The following ECE2 variants were observed in gnomAD, a reference collection of about 807,000 sequenced individuals.
ECE2 encodes endothelin-converting enzyme 2.
In ECE2, 81 loss-of-function variants were observed where a neutral mutation model predicts 100.6. The ratio of observed to expected loss-of-function variants is 0.81; its 90% confidence interval spans 0.67 to 0.97. ECE2 has a LOEUF of 0.97. Among genes scored for constraint, ECE2 ranks in the 50% least tolerant of loss-of-function variants. The probability of loss-of-function intolerance (pLI) is 0.00; values close to 1 mark genes in which losing one functional copy is unlikely to be tolerated. For missense variants in ECE2, 911 were observed against 988.1 expected, an observed-to-expected ratio of 0.92 and a Z score of 1.05; for synonymous variants, 391 against 391.5, an observed-to-expected ratio of 1.00 and a Z score of 0.02.
intron 7 of ECE2, among the ~76,000 whole-genome samples, chr3:184,279,684 G>C (rs1398430781): frequency 3.3e-5 from 5 of 151,064 alleles, no homozygotes; most frequent in South Asian, 2.1e-4. Flanking sequence ...TGTTGACGAG[G>C]GAAAGGCTAG....
In ECE2 at chr3:184,278,238, G is replaced by C. The variant is rs1720655651; in HGVS notation, c.675G>C (p.Gly225=). The change falls in exon 6 of 19, where the codon GGG becomes GGC. Residue 225 remains glycine (G), a synonymous_variant. Transcript: ENST00000404464. The part of the protein sequence containing the change: ...NFMEVLKAVA[G]TYRATPFFTV... ...TGGAGGTGTTGAAGGCAGTAGCAGG[G>C]ACCTACAGGGCCACCCCATTCTTCA... 6.2e-7 allele frequency: 1 copy of C among 1,614,162 alleles called. No individual in the cohort carries two copies. Among genetic ancestry groups the C allele is most frequent in the Non-Finnish European group, 8.5e-7 (1 of 1,180,032 alleles).
intron 10 of ECE2, among the ~76,000 whole-genome samples, 166 bp from the exon 11 acceptor site, chr3:184,287,671 G>A (rs1465981748): frequency 1.3e-5 from 2 of 152,152 alleles, no homozygotes; most frequent in African/African-American, 4.8e-5. Context: ...CTCCAGCCTG[G>A]GTGACAGAGC....
intron 10 of ECE2, among the ~76,000 whole-genome samples, chr3:184,286,467 C>T (rs376298008): frequency 6.6e-6 from 1 of 152,128 alleles, no homozygotes. Flanking sequence ...AGGGGAGCAG[C>T]AGGGAAGCGG....
At chr3:184,280,181 T>C (rs138546667) in intron 7 of ECE2, among the ~76,000 whole-genome samples, 8 of 152,046 alleles carry the variant, frequency 5.3e-5, no homozygotes, top group African/African-American at 1.9e-4. Context: ...CAGCTTAGGG[T>C]ACATTGAGAA....
Position 184,277,247 on chromosome 3 carries a change from A to G in ECE2, c.263-4A>G, listed in dbSNP as rs1331984447. On this transcript the variant is annotated splice_polypyrimidine_tract_variant and splice_region_variant and intron_variant, in intron 3 of 18. Transcript: ENST00000404464. ...CTACCCTCCGGCCATGTTCCCTACC[A>G]CAGACCCATCCCACAGCACCTGCCT... 1.9e-6 allele frequency: 3 copies of G among 1,614,058 alleles called. No homozygotes were observed. The highest frequency in any genetic ancestry group is 2.2e-5 in the East Asian group (1 of 44,872).
intron 11 of ECE2, among the ~76,000 whole-genome samples, chr3:184,288,319 AAAAAAAAAAAAAG>A (rs1560187082): frequency 8.0e-6 from 1 of 124,740 alleles, no homozygotes; most frequent in African/African-American, 2.9e-5. Context: ...CAAAAAAAAA[AAAAAAAAAAAAAG>A]AAAAGAAAAG....
rs928391593 is a variant in ECE2 at position 184,283,616 on chromosome 3, T to C, written c.817-169T>C. On this transcript the variant is annotated intron_variant, in intron 7 of 18. Transcript: ENST00000404464. ...AGAAGAAGAAGAAGTAAGTAAACAATACTTAGCCAATGGAGGTAAGCAGTG... is the reference window on the plus strand; with the variant it reads ...AGAAGAAGAAGAAGTAAGTAAACAACACTTAGCCAATGGAGGTAAGCAGTG... 1.9e-4 allele frequency among the ~76,000 whole-genome samples: 23 copies of C among 119,124 alleles called. No homozygotes were observed. The Admixed American group carries it at 1.9e-3, about 10-fold the overall frequency. 78.1% of individuals were successfully genotyped at this position (119,124 alleles called of 152,430 possible).
At position 184,289,463 on chromosome 3, in the gene ECE2, G is replaced by A. The variant is rs747995975; in HGVS notation, c.1401G>A (p.Arg467=). 1.9e-6 allele frequency: 3 copies of A among 1,610,414 alleles called. No individual in the cohort carries two copies. The highest frequency in any genetic ancestry group is 2.5e-6 in the Non-Finnish European group (3 of 1,178,540). The part of the protein sequence containing the change: ...EIAEGMISEI[R]TAFEEALGQL... ...CAGAGGGGATGATCAGCGAAATCCGGACCGCATTTGAGGAGGCCCTGGGAC... is the reference window on the plus strand; with the variant it reads ...CAGAGGGGATGATCAGCGAAATCCGAACCGCATTTGAGGAGGCCCTGGGAC... Residue 467 remains arginine, a synonymous_variant, in exon 12 of 19, where the codon CGG becomes CGA. Transcript: ENST00000404464. The surrounding 1 kb of genome is among the most constrained non-coding windows in gnomAD (Gnocchi z 4.1).
chr3:184,276,871 C>G (rs1169197275), intron 2 of ECE2, 21 bp from the exon 3 acceptor site: 1 of 1,613,094 alleles, frequency 6.2e-7, no homozygotes, highest in Non-Finnish European at 8.5e-7. Flanking sequence ...CAGTCACTCT[C>G]TGTCCCCCTG....
Position 184,276,486 on chromosome 3 carries a change from G to A in ECE2, c.45G>A (p.Val15=). 6.2e-7 allele frequency: 1 copy of A among 1,609,280 alleles called. No individual in the cohort carries two copies. Among genetic ancestry groups the A allele is most frequent in the Non-Finnish European group, 8.5e-7 (1 of 1,179,190 alleles). The part of the protein sequence containing the change: ...LQELGAGSNM[V]EYKRATLRDE... ...CAACCCCGACTGTCTGGCAGATGGT[G>A]GAGTACAAACGGGCCACGCTTCGGG... is the stretch of plus-strand genomic sequence containing the variant. The change falls in exon 2 of 19, where the codon GTG becomes GTA. Residue 15 remains valine (V), a synonymous_variant. Coordinates refer to ENST00000404464, the MANE Select transcript of ECE2 (RefSeq NM_001100121.2).
intron 8 of ECE2, among the ~76,000 whole-genome samples, 161 bp from the exon 9 acceptor site, chr3:184,284,802 T>A (rs1203892259): frequency 6.6e-6 from 1 of 152,042 alleles, no homozygotes; most frequent in African/African-American, 2.4e-5. Flanking sequence ...AGATTGGAGG[T>A]GTCCAGGCCT....
At chr3:184,285,724 G>A (rs767796734) in intron 10 of ECE2, 132 bp downstream of exon 10, 7 of 679,746 alleles carry the variant, frequency 1.0e-5, no homozygotes, top group South Asian at 3.7e-5. Context: ...GAAGCAAGCC[G>A]ACTTGCGTTT....
At chr3:184,290,392 G>C in intron 14 of ECE2, 34 bp downstream of exon 14, 1 of 1,604,738 alleles carries the variant, frequency 6.2e-7, no homozygotes, top group Non-Finnish European at 8.5e-7. Context: ...GACACTAGGG[G>C]TGGCAGGAGA....
rs1478803498 is a variant in ECE2 at position 184,290,799 on chromosome 3, GAA to G, written c.1774_1775del (p.Asn592LeufsTer11). 1 of 1,614,180 alleles carries G rather than the reference GAA, an allele frequency of 6.2e-7. No individual in the cohort carries two copies. Among genetic ancestry groups the G allele is most frequent in the African/African-American group, 1.3e-5 (1 of 75,036 alleles). ...FYARNHPKAL[N>X]FGGIGVVMGH... ...GCTATTCCTCACCCACCAGGGCCCT[GAA>G]CTTCGGTGGCATCGGTGTGGTCATG... is the stretch of plus-strand genomic sequence containing the variant. On this transcript the variant is annotated frameshift_variant, in exon 16 of 19. Transcript: ENST00000404464. LOFTEE classifies it high-confidence loss of function.
chr3:184,276,431 A>T (rs758030630), intron 1 of ECE2, 50 bp from the exon 2 acceptor site: 2 of 1,570,430 alleles, frequency 1.3e-6, no homozygotes, highest in Non-Finnish European at 1.7e-6. Context: ...GGTCGTGGGC[A>T]AATAGCCCTC....
At chr3:184,280,157 T>C (rs1356139217) in intron 7 of ECE2, among the ~76,000 whole-genome samples, 1 of 151,946 alleles carries the variant, frequency 6.6e-6, no homozygotes, top group Non-Finnish European at 1.5e-5. Context: ...ATTAGGGGTG[T>C]CTCTAGGAAG....
rs542461513 is a variant in ECE2, at chr3:184,277,823, A to G, written c.479-102A>G. On this transcript the variant is annotated intron_variant, in intron 4 of 18. Transcript: ENST00000404464. Reference sequence around the variant, plus strand: ...CTCTTCCTGGGTCTGCGTTAGCAGGACTGCTCATTGACAAGGCAAGGAGAG... The same window carrying G: ...CTCTTCCTGGGTCTGCGTTAGCAGGGCTGCTCATTGACAAGGCAAGGAGAG... 2.4e-5 allele frequency: 36 copies of G among 1,522,078 alleles called. No homozygotes were observed. The South Asian group carries it at 4.5e-4, about 19-fold the overall frequency. 94.3% of individuals were successfully genotyped at this position (1,522,078 alleles called of 1,614,324 possible).
At chr3:184,284,484 G>C (rs1013187781) in intron 8 of ECE2, among the ~76,000 whole-genome samples, 10 of 150,352 alleles carry the variant, frequency 6.7e-5, no homozygotes, top group Non-Finnish European at 1.2e-4. Flanking sequence ...GGAGGTTGCA[G>C]TGAGCTGAGA....
At position 184,292,050 on chromosome 3, in the gene ECE2, C is replaced by A; in HGVS notation, c.2122-12C>A. 1 of 1,607,552 alleles carries A rather than the reference C, an allele frequency of 6.2e-7. No homozygotes were observed. The highest frequency in any genetic ancestry group is 1.1e-5 in the South Asian group (1 of 90,506). ...AGACACCATATGCCCCCATGTCTGT[C>A]CTGGCCCGCAGGTGTGGTGCTCGGT... On this transcript the variant is annotated splice_polypyrimidine_tract_variant and intron_variant, in intron 18 of 18. Transcript: ENST00000404464.
Sources: gnomAD v4.1 joint callset for allele counts (sites outside exome capture counted in the v4.1 genomes callset) on GRCh38, gnomAD v4.1.1 for gene constraint, Gnocchi (gnomAD v3.1) non-coding constraint, MANE v1.5 for transcripts, NCBI Gene and HGNC (gene_info 2026-07-23, HGNC 2026-07-21) for gene names.